KCNB2: variants seen among roughly 807,000 people sequenced by gnomAD.
KCNB2 encodes potassium voltage-gated channel subfamily B member 2.
KCNB2 carries 15 observed loss-of-function variants against 61.5 expected under a neutral mutation model. That is an observed-to-expected ratio of 0.24 (90% CI 0.16 to 0.38). The LOEUF (loss-of-function observed/expected upper bound fraction) is 0.38. KCNB2 is among the 10% of genes least tolerant of loss of function. KCNB2 has a pLI of 1.00. For missense variants in KCNB2, 828 were observed against 1,125.2 expected, an observed-to-expected ratio of 0.74 and a Z score of 3.78; for synonymous variants, 457 against 446.0, an observed-to-expected ratio of 1.02 and a Z score of -0.31.
rs1238625545 is a variant in KCNB2 at position 72,725,545 on chromosome 8, GTATATATATA to G, written c.579+157234_579+157243del. On this transcript the variant is annotated intron_variant, in intron 2 of 2. Transcript: ENST00000523207. Reference sequence around the variant, plus strand: ...TATATATATATATATATATATGTGTGTATATATATATGTATATATGTATATATATGTATAT... The same window carrying G: ...TATATATATATATATATATATGTGTGTGTATATATGTATATATATGTATAT... Among the ~76,000 whole-genome samples the G allele has an allele frequency of 1.7e-4, 11 of 63,714 alleles. No individual in the cohort carries two copies. In the East Asian group the frequency reaches 3.5e-3, roughly 20 times the overall value. 41.8% of individuals were successfully genotyped at this position (63,714 alleles called of 152,430 possible).
chr8:72,728,399 C>A (rs1342035729), intron 2 of KCNB2, among the ~76,000 whole-genome samples: 1 of 152,108 alleles, frequency 6.6e-6, no homozygotes, highest in African/African-American at 2.4e-5. Context: ...GCTTTCTGGT[C>A]TTGTTTCTTT....
intron 2 of KCNB2, among the ~76,000 whole-genome samples, chr8:72,809,113 C>G (rs1003447465): frequency 2.0e-5 from 3 of 151,956 alleles, no homozygotes; most frequent in African/African-American, 7.3e-5. Context: ...GTGTGCAGGA[C>G]CTGTGTGGCC....
chr8:72,600,149 T>G (rs2128982393), intron 2 of KCNB2, among the ~76,000 whole-genome samples: 1 of 152,280 alleles, frequency 6.6e-6, no homozygotes, highest in South Asian at 2.1e-4. Context: ...CACACGTATG[T>G]TTATTGCGGC....
intron 2 of KCNB2, among the ~76,000 whole-genome samples, chr8:72,625,622 G>C (rs974828236): frequency 6.6e-6 from 1 of 151,968 alleles, no homozygotes; most frequent in Non-Finnish European, 1.5e-5. Context: ...CTAGAGACAG[G>C]GTCTCACTTT....
chr8:72,597,675 G>A (rs1807221522), intron 2 of KCNB2, among the ~76,000 whole-genome samples: 1 of 152,142 alleles, frequency 6.6e-6, no homozygotes, highest in Non-Finnish European at 1.5e-5. Context: ...TATTGGGTAG[G>A]TGAGTACAGT....
chr8:72,847,323 C>T (rs796899326), intron 2 of KCNB2, among the ~76,000 whole-genome samples: 7 of 152,298 alleles, frequency 4.6e-5, no homozygotes, highest in African/African-American at 1.4e-4. Flanking sequence ...CAACTGGTGC[C>T]CTTTACAACA....
intron 2 of KCNB2, among the ~76,000 whole-genome samples, chr8:72,656,537 A>T (rs2128986867): frequency 6.6e-6 from 1 of 152,282 alleles, no homozygotes; most frequent in South Asian, 2.1e-4. Context: ...CAAATTGTAC[A>T]TGTATAATCT....
chr8:72,845,413 G>A (rs183605740), intron 2 of KCNB2, among the ~76,000 whole-genome samples: 66 of 152,334 alleles, frequency 4.3e-4, no homozygotes, highest in African/African-American at 1.2e-3. Context: ...GAGGCATGAG[G>A]GTCAGGGACC....
intron 2 of KCNB2, among the ~76,000 whole-genome samples, chr8:72,834,498 C>T (rs1017586937): frequency 2.6e-5 from 4 of 152,196 alleles, no homozygotes; most frequent in Non-Finnish European, 5.9e-5. Context: ...TCTAGTCCAA[C>T]TGACAGGAAC....
chr8:72,890,718 G>A (rs2129005801), intron 2 of KCNB2, among the ~76,000 whole-genome samples: 1 of 152,322 alleles, frequency 6.6e-6, no homozygotes, highest in South Asian at 2.1e-4. Flanking sequence ...AAGTCAGGTA[G>A]TACTAACATC....
rs543834501 is a variant in KCNB2 at position 72,783,981 on chromosome 8, A to G, written c.580-151954A>G. On this transcript the variant is annotated intron_variant, in intron 2 of 2. Coordinates refer to ENST00000523207, the MANE Select transcript of KCNB2 (RefSeq NM_004770.3). ...GCTGCCTTGCCATTTAGGATATCCA[A>G]CCTCCTCAGGCTGGATACATAACCA... is the stretch of plus-strand genomic sequence containing the variant. Among the ~76,000 whole-genome samples, 6 of 151,920 alleles carry G rather than the reference A, an allele frequency of 3.9e-5. No homozygotes were observed. In the East Asian group the frequency reaches 9.6e-4, roughly 24 times the overall value.
At chr8:72,860,275 C>T (rs1048471408) in intron 2 of KCNB2, among the ~76,000 whole-genome samples, 1 of 144,654 alleles carries the variant, frequency 6.9e-6, no homozygotes, top group Admixed American at 6.9e-5. Flanking sequence ...CAATGAGGCT[C>T]CATCATTTTA....
Position 72,909,990 on chromosome 8 carries a change from A to G in KCNB2, c.580-25945A>G, listed in dbSNP as rs1806258506. On this transcript the variant is annotated intron_variant, in intron 2 of 2. Coordinates refer to ENST00000523207, the MANE Select transcript of KCNB2 (RefSeq NM_004770.3). ...TTGACAGATCTGGAGCTAAGGAGAG[A>G]GATCCCAATCATCTGTGTGACTCCT... is the stretch of plus-strand genomic sequence containing the variant. 2.0e-5 allele frequency among the ~76,000 whole-genome samples: 3 copies of G among 152,138 alleles called. No individual in the cohort carries two copies. The South Asian group carries it at 6.2e-4, about 31-fold the overall frequency.
intron 1 of KCNB2, among the ~76,000 whole-genome samples, chr8:72,563,003 G>A (rs1806560799): frequency 6.6e-6 from 1 of 152,100 alleles, no homozygotes. Flanking sequence ...TTAAAGGATA[G>A]AAAATCAACT....
At chr8:72,547,977 C>T (rs912861494) in intron 1 of KCNB2, among the ~76,000 whole-genome samples, 2 of 152,074 alleles carry the variant, frequency 1.3e-5, no homozygotes, top group East Asian at 1.9e-4. Flanking sequence ...CCACCCAAAT[C>T]GTCAGCAGCT....
chr8:72,769,344 T>A (rs780848702), intron 2 of KCNB2, among the ~76,000 whole-genome samples: 3 of 152,120 alleles, frequency 2.0e-5, no homozygotes, highest in Non-Finnish European at 4.4e-5. Flanking sequence ...AAGTAGTTCC[T>A]GTGTTCTGGA....
At chr8:72,932,613 G>A (rs989790819) in intron 2 of KCNB2, among the ~76,000 whole-genome samples, 2 of 152,104 alleles carry the variant, frequency 1.3e-5, no homozygotes, top group Non-Finnish European at 2.9e-5. Flanking sequence ...AAAACTCTTG[G>A]TGGGCTTTTG....
chr8:72,630,530 A>G (rs1196608837), intron 2 of KCNB2, among the ~76,000 whole-genome samples: 1 of 152,214 alleles, frequency 6.6e-6, no homozygotes, highest in Admixed American at 6.5e-5. Flanking sequence ...TGAGCAGCTT[A>G]AACAGCAGAA....
chr8:72,740,520 C>CT (rs1440497322), intron 2 of KCNB2, among the ~76,000 whole-genome samples: 1 of 152,116 alleles, frequency 6.6e-6, no homozygotes, highest in Non-Finnish European at 1.5e-5. Context: ...TATGAATAGG[C>CT]TTATAAAACC....
Sources: gnomAD v4.1 joint callset for allele counts (sites outside exome capture counted in the v4.1 genomes callset) on GRCh38, gnomAD v4.1.1 for gene constraint, MANE v1.5 for transcripts, NCBI Gene and HGNC (gene_info 2026-07-23, HGNC 2026-07-21) for gene names.